The following TECPR2 variants were observed in gnomAD, a reference collection of about 807,000 sequenced individuals.
TECPR2 encodes tectonin beta-propeller repeat containing 2.
Under a neutral mutation model 138.1 loss-of-function variants are expected in TECPR2, and 65 were observed. The observed-to-expected ratio is 0.47, with a 90% CI of 0.39 to 0.58. The LOEUF is 0.58. Among genes scored for constraint, TECPR2 ranks in the 20% least tolerant of loss-of-function variants. The pLI, the probability that TECPR2 is intolerant of heterozygous loss-of-function variation, is 0.00. For synonymous variants in TECPR2, 746 were observed against 749.8 expected, an observed-to-expected ratio of 0.99 and a Z score of 0.08; for missense variants, 1,553 against 1,824.5, an observed-to-expected ratio of 0.85 and a Z score of 2.71.
intron 16 of TECPR2, among the ~76,000 whole-genome samples, chr14:102,453,579 G>C (rs1290952861): frequency 6.6e-6 from 1 of 152,034 alleles, no homozygotes; most frequent in East Asian, 1.9e-4. Context: ...CACAACATTA[G>C]ATTTCTCTCT....
intron 5 of TECPR2, among the ~76,000 whole-genome samples, chr14:102,423,776 G>GA (rs1421810448): frequency 6.6e-6 from 1 of 152,170 alleles, no homozygotes; most frequent in Admixed American, 6.5e-5. Context: ...ATTTCAGAAA[G>GA]AAAAAATATC....
chr14:102,394,192 C>G (rs565730775), intron 2 of TECPR2, among the ~76,000 whole-genome samples: 1 of 152,148 alleles, frequency 6.6e-6, no homozygotes, highest in African/African-American at 2.4e-5. Context: ...TCCTCTATCG[C>G]CAAGTCCTTT....
rs2273907 is a variant in TECPR2 at position 102,445,576 on chromosome 14, T to C, written c.2934-230T>C. ...CTCTCTTAAGAGTGTTCCCAGCCAT[T>C]CTGGGTCATCAGTGTGTCTTTCAAA... On this transcript the variant is annotated intron_variant, in intron 12 of 19. Transcript: ENST00000359520. Among the ~76,000 whole-genome samples, 33,352 of 152,020 alleles carry C rather than the reference T, an allele frequency of 0.22. 4,332 individuals carry two copies. Among genetic ancestry groups the C allele is most frequent in the Middle Eastern group, 0.31 (91 of 294 alleles).
intron 8 of TECPR2, among the ~76,000 whole-genome samples, 181 bp from the exon 9 acceptor site, chr14:102,434,054 C>T (rs1446590329): frequency 6.6e-6 from 1 of 152,170 alleles, no homozygotes; most frequent in Non-Finnish European, 1.5e-5. Context: ...TTGTTCAGTA[C>T]TTGCATGCAT....
At chr14:102,367,706 T>C (rs924493642) in intron 1 of TECPR2, among the ~76,000 whole-genome samples, 2 of 152,184 alleles carry the variant, frequency 1.3e-5, no homozygotes, top group Non-Finnish European at 2.9e-5. Context: ...AGTGGTGATA[T>C]TATGAACATT....
chr14:102,428,849 CTT>C (rs541769149), intron 7 of TECPR2, among the ~76,000 whole-genome samples: 28 of 141,020 alleles, frequency 2.0e-4, no homozygotes, highest in Non-Finnish European at 2.2e-4. Flanking sequence ...TCCTCTGATT[CTT>C]TTTTTTTTTT....
intron 17 of TECPR2, among the ~76,000 whole-genome samples, chr14:102,496,021 G>A (rs1180957268): frequency 1.3e-5 from 2 of 152,266 alleles, no homozygotes; most frequent in African/African-American, 4.8e-5. Flanking sequence ...GGCATCCAGT[G>A]TGATTGTATT....
In TECPR2 at chr14:102,419,153, G is replaced by A. The variant is rs921882314; in HGVS notation, c.638+4360G>A. On this transcript the variant is annotated intron_variant, in intron 5 of 19. Transcript: ENST00000359520. This position sits in a 1 kb window ranked among gnomAD's most constrained non-coding sequence, Gnocchi z 4.8. ...GAAAGGGCATCAGGAGAGAACAGGA[G>A]TTGGGGGGTCAGAGGAGTCGGAGGC... is the stretch of plus-strand genomic sequence containing the variant. Among the ~76,000 whole-genome samples, 1 of 152,254 alleles carries A rather than the reference G, an allele frequency of 6.6e-6. No homozygotes were observed. The highest frequency in any genetic ancestry group is 2.4e-5 in the African/African-American group (1 of 41,532).
chr14:102,464,662 G>A (rs1028944058), intron 16 of TECPR2, among the ~76,000 whole-genome samples: 30 of 152,218 alleles, frequency 2.0e-4, no homozygotes, highest in African/African-American at 7.2e-4. Context: ...TAAGATTACA[G>A]GTGTGTGCCA....
intron 5 of TECPR2, among the ~76,000 whole-genome samples, chr14:102,422,622 A>G (rs1003673986): frequency 9.2e-5 from 14 of 152,238 alleles, no homozygotes; most frequent in African/African-American, 3.1e-4. Context: ...ACTAAATTAT[A>G]TTGTCTTTAG....
chr14:102,373,071 C>T (rs1016713753), intron 1 of TECPR2, among the ~76,000 whole-genome samples: 1 of 151,902 alleles, frequency 6.6e-6, no homozygotes, highest in African/African-American at 2.4e-5. Context: ...ATTTCTGTGC[C>T]TTGGAAAGAA....
At chr14:102,451,828 G>A (rs1407809707) in intron 15 of TECPR2, among the ~76,000 whole-genome samples, 5 of 152,266 alleles carry the variant, frequency 3.3e-5, no homozygotes, top group African/African-American at 1.2e-4. Context: ...ATGCTGTAGG[G>A]AATGAAAGGA....
At chr14:102,483,978 GTA>G (rs1890960404) in intron 17 of TECPR2, among the ~76,000 whole-genome samples, 2 of 59,334 alleles carry the variant, frequency 3.4e-5, no homozygotes, top group African/African-American at 9.0e-5. Flanking sequence ...TATATTTTCA[GTA>G]GAGACAAGGT....
chr14:102,445,720 C>A, intron 12 of TECPR2, 86 bp from the exon 13 acceptor site: 2 of 1,471,552 alleles, frequency 1.4e-6, no homozygotes, highest in Non-Finnish European at 1.8e-6. Context: ...CCACGCCTGC[C>A]GGGAGACCCT....
chr14:102,476,099 C>T (rs1890751782), intron 17 of TECPR2, among the ~76,000 whole-genome samples: 1 of 149,626 alleles, frequency 6.7e-6, no homozygotes, highest in Non-Finnish European at 1.5e-5. Flanking sequence ...CGTAGCTACT[C>T]AGGAGGCTGA....
At chr14:102,379,015 A>G (rs1028454326) in intron 2 of TECPR2, among the ~76,000 whole-genome samples, 2 of 152,214 alleles carry the variant, frequency 1.3e-5, no homozygotes, top group African/African-American at 4.8e-5. Context: ...CAAATTCCCC[A>G]AACATTTAAA....
chr14:102,490,990 G>A (rs1891147422), intron 17 of TECPR2, among the ~76,000 whole-genome samples: 2 of 152,128 alleles, frequency 1.3e-5, no homozygotes, highest in Admixed American at 6.5e-5. Context: ...TGCCTCCCGG[G>A]TTCAAGTGAT....
intron 7 of TECPR2, 59 bp from the exon 8 acceptor site, chr14:102,431,737 A>G: frequency 1.4e-6 from 2 of 1,461,202 alleles, no homozygotes; most frequent in East Asian, 2.3e-5. Flanking sequence ...AAACGTGGAT[A>G]AGTGCACATC....
In TECPR2 at chr14:102,425,264, T is replaced by A; in HGVS notation, c.924T>A (p.Ser308Arg). The change falls in exon 6 of 20, where the codon AGT (serine) becomes AGA (arginine). Residue 308 changes from serine (S) to arginine (R), a missense_variant. By Grantham distance (110) the Ser-to-Arg change is moderately radical (BLOSUM62 -1). Transcript: ENST00000359520. ...GGGTGCTGAGTTGGAATGAATATAG[T>A]ATCTATCTCCTAGACACAGTCAACC... Reference protein sequence around the residue: ...EGWVLSWNEYSIYLLDTVNQA... With the variant: ...EGWVLSWNEYRIYLLDTVNQA... 6.2e-7 allele frequency: 1 copy of A among 1,606,716 alleles called. No individual in the cohort carries two copies. The highest frequency in any genetic ancestry group is 8.5e-7 in the Non-Finnish European group (1 of 1,175,494).
Sources: gnomAD v4.1 joint callset for allele counts (sites outside exome capture counted in the v4.1 genomes callset) on GRCh38, gnomAD v4.1.1 for gene constraint, Gnocchi (gnomAD v3.1) non-coding constraint, MANE v1.5 for transcripts, NCBI Gene and HGNC (gene_info 2026-07-23, HGNC 2026-07-21) for gene names.